The following MTUS1 variants were observed in gnomAD, a reference collection of about 807,000 sequenced individuals.
MTUS1 encodes microtubule associated scaffold protein 1.
A neutral mutation model predicts 120.8 loss-of-function variants in MTUS1; 109 were observed. That is an observed-to-expected ratio of 0.90 (90% CI 0.77 to 1.06). MTUS1 has a LOEUF of 1.06. MTUS1 is among the 50% of genes least tolerant of loss of function. The pLI is 0.00. For missense variants in MTUS1, 2,210 were observed against 1,486.3 expected (o/e 1.49, Z -8.01); for synonymous variants, 737 against 550.5 (o/e 1.34, Z -4.74).
At chr8:17,714,711 GA>G (rs1465960795) in intron 5 of MTUS1, among the ~76,000 whole-genome samples, 1 of 151,868 alleles carries the variant, frequency 6.6e-6, no homozygotes, top group Non-Finnish European at 1.5e-5. Flanking sequence ...ACATACAGAG[GA>G]AAAAAGTCAC....
intron 8 of MTUS1, among the ~76,000 whole-genome samples, chr8:17,672,364 C>T (rs532113389): frequency 2.0e-5 from 3 of 152,176 alleles, no homozygotes; most frequent in South Asian, 4.2e-4. Flanking sequence ...CCATTTTTAC[C>T]GAGGATGAAA....
rs999038722 is a variant in MTUS1, at chr8:17,675,065, A to G, written c.2905+121T>C. The G allele has an allele frequency of 2.3e-5, 36 of 1,539,568 alleles. No individual in the cohort carries two copies. The African/African-American group carries it at 4.6e-4, about 20-fold the overall frequency. On this transcript the variant is annotated intron_variant, in intron 8 of 14. Coordinates refer to ENST00000693296, the MANE Select transcript of MTUS1 (RefSeq NM_001363059.2). ...GATAGTAAGTGTTTGCCCAGATACTAGACAGGGAGTGCCAACAGCTCCCAG... is the reference window on the plus strand; with the variant it reads ...GATAGTAAGTGTTTGCCCAGATACTGGACAGGGAGTGCCAACAGCTCCCAG...
At chr8:17,686,040 T>C (rs973022066) in intron 6 of MTUS1, among the ~76,000 whole-genome samples, 3 of 152,228 alleles carry the variant, frequency 2.0e-5, no homozygotes, top group African/African-American at 7.2e-5. Flanking sequence ...ATTTCCTAAA[T>C]GTTTTTAGAA....
At chr8:17,732,131 C>G (rs1273571275) in intron 3 of MTUS1, among the ~76,000 whole-genome samples, 1 of 152,186 alleles carries the variant, frequency 6.6e-6, no homozygotes, top group African/African-American at 2.4e-5. Flanking sequence ...CACGGAACTC[C>G]TAGCAGCCAT....
At chr8:17,684,822 T>C (rs1234823859) in intron 6 of MTUS1, among the ~76,000 whole-genome samples, 1 of 152,074 alleles carries the variant, frequency 6.6e-6, no homozygotes, top group Admixed American at 6.6e-5. Flanking sequence ...ACACAAAAAC[T>C]GGGTGCAAAA....
chr8:17,754,917 A>G lies in MTUS1; in HGVS notation c.891T>C (p.Asp297=). The change falls in exon 2 of 15, where the codon GAT becomes GAC. Residue 297 remains aspartate (D), a synonymous_variant. Transcript: ENST00000693296. ...CAGAATCATTGGGGACTTCCATGCC[A>G]TCAGAAACTGGTGTTAGTGCTTGTG... The part of the protein sequence containing the change: ...KETQALTPVS[D]GMEVPNDSAL... The G allele has an allele frequency of 1.2e-6, 2 of 1,614,152 alleles. No individual in the cohort carries two copies. The highest frequency in any genetic ancestry group is 1.7e-6 in the Non-Finnish European group (2 of 1,179,974).
intron 7 of MTUS1, among the ~76,000 whole-genome samples, chr8:17,675,585 G>A (rs748520049): frequency 2.0e-5 from 3 of 152,100 alleles, no homozygotes; most frequent in Non-Finnish European, 4.4e-5. Flanking sequence ...GATGTAATGC[G>A]TTCTCCTCCT....
chr8:17,791,037 G>A (rs921037868), intron 1 of MTUS1, among the ~76,000 whole-genome samples: 4 of 152,216 alleles, frequency 2.6e-5, no homozygotes, highest in African/African-American at 9.6e-5. Flanking sequence ...GAAAATCCTG[G>A]CAACAGAAAC....
chr8:17,736,927 T>C (rs1458925804), intron 3 of MTUS1, among the ~76,000 whole-genome samples: 1 of 152,154 alleles, frequency 6.6e-6, no homozygotes, highest in Non-Finnish European at 1.5e-5. Context: ...AATCCAAAAA[T>C]GTATTTATTT....
At chr8:17,781,256 G>T (rs1283516313) in intron 1 of MTUS1, among the ~76,000 whole-genome samples, 1 of 152,170 alleles carries the variant, frequency 6.6e-6, no homozygotes, top group Non-Finnish European at 1.5e-5. Flanking sequence ...AAAAGATTTT[G>T]TCTGAATTTC....
intron 7 of MTUS1, among the ~76,000 whole-genome samples, chr8:17,675,709 A>C (rs755474170): frequency 3.9e-5 from 6 of 152,242 alleles, no homozygotes; most frequent in Non-Finnish European, 8.8e-5. Context: ...TTACAATGCC[A>C]ATCCTTCTAA....
At chr8:17,770,420 C>T (rs1156428220) in intron 1 of MTUS1, 1 of 152,204 alleles carries the variant, frequency 6.6e-6, no homozygotes, top group Non-Finnish European at 1.5e-5. Flanking sequence ...CCATACCAAG[C>T]TAACTTACCT....
intron 6 of MTUS1, among the ~76,000 whole-genome samples, chr8:17,689,409 C>T (rs1269188530): frequency 6.6e-6 from 1 of 152,100 alleles, no homozygotes; most frequent in Non-Finnish European, 1.5e-5. Context: ...GAATAGAAAG[C>T]ATATTCGAGA....
intron 3 of MTUS1, chr8:17,724,176 A>T (rs374371799): frequency 4.3e-6 from 2 of 467,186 alleles, no homozygotes. Context: ...AAATAAAAAA[A>T]TAAACAAATT....
At chr8:17,718,779 G>A (rs1040868292) in intron 4 of MTUS1, among the ~76,000 whole-genome samples, 1 of 151,670 alleles carries the variant, frequency 6.6e-6, no homozygotes, top group African/African-American at 2.4e-5. Flanking sequence ...GCCAAAGTGT[G>A]GTTCAAGTGA....
At chr8:17,703,628 C>CAAAAAAAAA (rs140018758) in intron 6 of MTUS1, among the ~76,000 whole-genome samples, 1 of 115,142 alleles carries the variant, frequency 8.7e-6, no homozygotes, top group Non-Finnish European at 1.8e-5. Flanking sequence ...GACTCTGTCT[C>CAAAAAAAAA]AAAAAAAAAA....
chr8:17,706,799 T>C (rs1400526653), intron 6 of MTUS1, among the ~76,000 whole-genome samples: 1 of 152,226 alleles, frequency 6.6e-6, no homozygotes, highest in Admixed American at 6.5e-5. Context: ...AGTTAAATGT[T>C]ACTGTATCTG....
At chr8:17,713,854 T>C (rs1302111443) in intron 5 of MTUS1, among the ~76,000 whole-genome samples, 1 of 152,206 alleles carries the variant, frequency 6.6e-6, no homozygotes, top group Non-Finnish European at 1.5e-5. Context: ...ATGTTCTATC[T>C]GAAATTTTAC....
chr8:17,683,384 T>A (rs1043435661), intron 7 of MTUS1, among the ~76,000 whole-genome samples: 1 of 152,230 alleles, frequency 6.6e-6, no homozygotes, highest in African/African-American at 2.4e-5. Context: ...GCAGCCATAT[T>A]ACAGGGGCCT....
Sources: gnomAD v4.1 joint callset for allele counts (sites outside exome capture counted in the v4.1 genomes callset) on GRCh38, gnomAD v4.1.1 for gene constraint, MANE v1.5 for transcripts, NCBI Gene and HGNC (gene_info 2026-07-23, HGNC 2026-07-21) for gene names.